C14orf39: variants seen among roughly 807,000 people sequenced by gnomAD.
The protein encoded by C14orf39 is chromosome 14 open reading frame 39, also known as protein SIX6OS1.
C14orf39 carries 66 observed loss-of-function variants against 85.6 expected under a neutral mutation model. The observed-to-expected ratio is 0.77, with a 90% confidence interval of 0.63 to 0.95. The LOEUF is 0.95. C14orf39 is among the 40% of genes least tolerant of loss of function. C14orf39 has a pLI of 0.00. For synonymous variants in C14orf39, 242 were observed against 214.0 expected, an observed-to-expected ratio of 1.13 and a Z score of -1.14; for missense variants, 735 against 663.9, an observed-to-expected ratio of 1.11 and a Z score of -1.18.
At position 60,455,061 on chromosome 14, in the gene C14orf39, T is replaced by C. The variant is rs1891204622; in HGVS notation, c.1443A>G (p.Arg481=). 1.3e-6 allele frequency: 2 copies of C among 1,581,936 alleles called. No individual in the cohort carries two copies. Among genetic ancestry groups the C allele is most frequent in the South Asian group, 1.2e-5 (1 of 85,574 alleles). ...GLSFLMSYTS[R]SPGLNLFDSS... is the part of the protein sequence containing the mutation. ...AATCAAATAAATTCAATCCAGGTGATCTAGAAGTATAACTCATAAGAAAAG... is the reference window on the plus strand; with the variant it reads ...AATCAAATAAATTCAATCCAGGTGACCTAGAAGTATAACTCATAAGAAAAG... Residue 481 remains arginine, a synonymous_variant, in exon 16 of 18, where the codon AGA becomes AGG. Transcript: ENST00000321731.
chr14:60,513,064 G>A (rs1159089411), intron 1 of C14orf39, among the ~76,000 whole-genome samples: 1 of 152,226 alleles, frequency 6.6e-6, no homozygotes, highest in Non-Finnish European at 1.5e-5. Context: ...CCAGGACAGA[G>A]TAAGGGTTGA....
At position 60,514,237 on chromosome 14, in the gene C14orf39, G is replaced by GA. The variant is rs1187141551; in HGVS notation, c.-144+1157dup. ...ATTCTGGTCTTCAGGGTTTTGGGGG[G>GA]AAAAAAAGTCCAGGTAATGGCAAGG... is the stretch of plus-strand genomic sequence containing the variant. On this transcript the variant is annotated intron_variant, in intron 1 of 5. Transcript: ENST00000556799. Among the ~76,000 whole-genome samples, 8 of 151,876 alleles carry GA rather than the reference G, an allele frequency of 5.3e-5. No individual in the cohort carries two copies. In the East Asian group the frequency reaches 1.5e-3, roughly 29 times the overall value.
At chr14:60,512,244 G>A (rs949113977) in intron 1 of C14orf39, 2 of 152,242 alleles carry the variant, frequency 1.3e-5, no homozygotes, top group Middle Eastern at 3.4e-3. Flanking sequence ...CTCAATAAGT[G>A]AGTCCTATTT....
intron 5 of C14orf39, 113 bp from the exon 6 acceptor site, chr14:60,471,852 C>A: frequency 1.6e-6 from 1 of 616,504 alleles, no homozygotes; most frequent in Non-Finnish European, 2.7e-6. Context: ...TCTTCTTATT[C>A]TTGCTTCCCT....
chr14:60,461,194 G>A (rs1939870102), intron 13 of C14orf39, among the ~76,000 whole-genome samples, 160 bp downstream of exon 13: 2 of 151,922 alleles, frequency 1.3e-5, no homozygotes, highest in African/African-American at 2.4e-5. Flanking sequence ...ACAATAAAAT[G>A]TATTTGTTCT....
At chr14:60,440,006 C>A (rs1181606954) in intron 17 of C14orf39, among the ~76,000 whole-genome samples, 1 of 152,012 alleles carries the variant, frequency 6.6e-6, no homozygotes. Context: ...ACCCAGGAGG[C>A]GGAGGTTGCC....
intron 4 of C14orf39, among the ~76,000 whole-genome samples, chr14:60,481,031 T>G (rs1191334072): frequency 6.6e-6 from 1 of 152,132 alleles, no homozygotes; most frequent in Non-Finnish European, 1.5e-5. Flanking sequence ...GAAAAAAAAT[T>G]AGTGATCTAC....
At chr14:60,446,998 AC>A (rs1201991051) in intron 16 of C14orf39, among the ~76,000 whole-genome samples, 1 of 152,118 alleles carries the variant, frequency 6.6e-6, no homozygotes. Context: ...AAAATTCAAC[AC>A]CCCTTCAAGC....
chr14:60,510,231 C>T (rs1158222507), intron 1 of C14orf39, among the ~76,000 whole-genome samples: 2 of 152,080 alleles, frequency 1.3e-5, no homozygotes, highest in Non-Finnish European at 2.9e-5. Context: ...TTCACTGGGA[C>T]GGAGAGGGGA....
intron 4 of C14orf39, among the ~76,000 whole-genome samples, chr14:60,480,635 C>T (rs979336212): frequency 4.1e-4 from 63 of 152,108 alleles, no homozygotes; most frequent in African/African-American, 1.4e-3. Flanking sequence ...ATCAGTACAT[C>T]GAAGAGATAT....
rs1372265362 is a variant in C14orf39 at position 60,471,579 on chromosome 14, T to C, written c.484A>G (p.Asn162Asp). Residue 162 changes from asparagine to aspartate, a missense_variant, in exon 6 of 18, where the codon AAT becomes GAT. Transcript: ENST00000321731. ...CGAAATTTCATAAAAATTGTTTCAT[T>C]CATTTTTAATTGTTCAGTACATGCC... Reference protein sequence around the residue: ...VLACTEQLKMNETIFMKFRVP... With the variant: ...VLACTEQLKMDETIFMKFRVP... 6.3e-7 allele frequency: 1 copy of C among 1,595,310 alleles called. No individual in the cohort carries two copies. Among genetic ancestry groups the C allele is most frequent in the South Asian group, 1.2e-5 (1 of 86,946 alleles).
Position 60,457,021 on chromosome 14 carries a change from A to C in C14orf39, c.1254T>G (p.Phe418Leu). The C allele has an allele frequency of 1.2e-6, 2 of 1,611,190 alleles. No homozygotes were observed. The highest frequency in any genetic ancestry group is 2.2e-5 in the South Asian group (2 of 90,818). The change falls in exon 15 of 18, where the codon TTT (phenylalanine) becomes TTG (leucine). Residue 418 changes from phenylalanine to leucine, a missense_variant. Phe to Leu is a conservative substitution (Grantham distance 22, BLOSUM62 0). Transcript: ENST00000321731. ...ATATAGGAATTTCAGACGTTCGTGG[A>C]AAATTCTCAGCTCTCTCTTCTACTT... ...SDEVEERAEN[F>L]PRTSEIPIFL...
chr14:60,455,057 G>T lies in C14orf39; in HGVS notation c.1447C>A (p.Pro483Thr), dbSNP rs898006117. Residue 483 changes from proline (P) to threonine (T), a missense_variant, in exon 16 of 18, where the codon CCT (proline) becomes ACT (threonine). Physicochemically the swap from Pro to Thr is conservative, Grantham distance 38. Transcript: ENST00000321731. ...SFLMSYTSRS[P>T]GLNLFDSSVF... The stretch of plus-strand genomic sequence containing the variant: ...GAAGAATCAAATAAATTCAATCCAG[G>T]TGATCTAGAAGTATAACTCATAAGA... 1.1e-5 allele frequency: 17 copies of T among 1,579,774 alleles called. No homozygotes were observed. The highest frequency in any genetic ancestry group is 6.9e-5 in the African/African-American group (5 of 71,982).
upstream of C14orf39, among the ~76,000 whole-genome samples, chr14:60,487,599 A>C (rs1344150581): frequency 6.6e-6 from 1 of 152,208 alleles, no homozygotes; most frequent in African/African-American, 2.4e-5. Context: ...ATGAGAGCAC[A>C]GACATCTGTT....
chr14:60,437,597 T>C (rs1454327378), intron 17 of C14orf39, among the ~76,000 whole-genome samples: 1 of 151,982 alleles, frequency 6.6e-6, no homozygotes. Flanking sequence ...AGAATAGGTA[T>C]AAAGGCTGGA....
At chr14:60,508,754 C>T (rs1778540615) in intron 1 of C14orf39, among the ~76,000 whole-genome samples, 1 of 152,234 alleles carries the variant, frequency 6.6e-6, no homozygotes, top group Admixed American at 6.5e-5. Context: ...TGCGAATTCT[C>T]GGAGCATTTC....
chr14:60,444,483 G>A (rs1890669829), intron 16 of C14orf39, among the ~76,000 whole-genome samples: 1 of 152,154 alleles, frequency 6.6e-6, no homozygotes, highest in Admixed American at 6.5e-5. Flanking sequence ...AATAAAGCAA[G>A]AAGACAAGAT....
chr14:60,504,595 T>A (rs1893182220), intron 1 of C14orf39, among the ~76,000 whole-genome samples: 1 of 152,196 alleles, frequency 6.6e-6, no homozygotes, highest in Non-Finnish European at 1.5e-5. Flanking sequence ...TTACTAATAA[T>A]GAAAAGTGTT....
chr14:60,482,652 T>C (rs140635842), intron 4 of C14orf39, among the ~76,000 whole-genome samples: 1 of 152,318 alleles, frequency 6.6e-6, no homozygotes, highest in African/African-American at 2.4e-5. Flanking sequence ...TATGTGGAAG[T>C]ATATCTGTAC....
Sources: allele counts gnomAD v4.1 joint callset (sites outside exome capture counted in the v4.1 genomes callset), GRCh38; gene constraint gnomAD v4.1.1; transcripts MANE v1.5; gene names NCBI Gene and HGNC (gene_info 2026-07-23, HGNC 2026-07-21).